The following PPM1B variants were observed in gnomAD, a reference collection of about 807,000 sequenced individuals.
PPM1B encodes protein phosphatase 1B.
Under a neutral mutation model 43.0 loss-of-function variants are expected in PPM1B, and 22 were observed. The ratio of observed to expected loss-of-function variants is 0.51; its 90% confidence interval spans 0.37 to 0.73. PPM1B has a LOEUF of 0.73. Among genes scored for constraint, PPM1B ranks in the 30% least tolerant of loss-of-function variants. The pLI is 0.00. For synonymous variants in PPM1B, 217 were observed against 197.9 expected (o/e 1.10, Z -0.81); for missense variants, 632 against 584.2 (o/e 1.08, Z -0.84).
At chr2:44,169,570 C>A (rs765800991) in intron 1 of PPM1B, among the ~76,000 whole-genome samples, 1 of 152,248 alleles carries the variant, frequency 6.6e-6, no homozygotes, top group Non-Finnish European at 1.5e-5. Flanking sequence ...TTCTCTCTTC[C>A]CTCCGCTTCA....
chr2:44,210,623 G>A (rs568129123), intron 3 of PPM1B, among the ~76,000 whole-genome samples: 11 of 152,102 alleles, frequency 7.2e-5, no homozygotes, highest in Non-Finnish European at 1.3e-4. Context: ...GTAATACCAC[G>A]TTTGGCTTAT....
intron 1 of PPM1B, among the ~76,000 whole-genome samples, chr2:44,173,020 G>A (rs1667420127): frequency 6.6e-6 from 1 of 152,194 alleles, no homozygotes; most frequent in African/African-American, 2.4e-5. Context: ...CTACCTAGAA[G>A]ACTAACAAGC....
intron 5 of PPM1B, 41 bp from the exon 6 acceptor site, chr2:44,230,372 A>G (rs1178200573): frequency 6.3e-7 from 1 of 1,597,664 alleles, no homozygotes; most frequent in South Asian, 1.1e-5. Context: ...GTGATATCCT[A>G]GTTTGTCTAC....
chr2:44,239,896 G>GTT lies in PPM1B; in HGVS notation n.1547-4321_1547-4320dup, dbSNP rs66631221. Among the ~76,000 whole-genome samples, 182 of 140,274 alleles carry GTT rather than the reference G, an allele frequency of 1.3e-3. 1 individual carries two copies. The Middle Eastern group carries it at 0.018, about 14-fold the overall frequency. 92.0% of individuals were successfully genotyped at this position (140,274 alleles called of 152,430 possible). The stretch of plus-strand genomic sequence containing the variant: ...CTATTGTTTTTTTGTTTTTGTTTTT[G>GTT]TTTTTTTTTTTTGTCTAACCCTGTG... On this transcript the variant is annotated intron_variant and non_coding_transcript_variant, in intron 5 of 5. Transcript: ENST00000378540.
chr2:44,222,048 C>T lies in PPM1B; in HGVS notation c.1134+3511C>T, dbSNP rs147218538. Among the ~76,000 whole-genome samples the T allele has an allele frequency of 9.6e-3, 1,455 of 152,088 alleles. 20 individuals are homozygous for T. The highest frequency in any genetic ancestry group is 0.087 in the South Asian group (417 of 4,820). On this transcript the variant is annotated intron_variant, in intron 5 of 5. Transcript: ENST00000282412. ...CTTAGTCTAGGGATTCACGAATCCC[C>T]AGAAATCTTTTGGAAAATTTCCAGA...
At chr2:44,234,225 A>G (rs1274959024), downstream of PPM1B, 3 of 983,098 alleles carry the variant, frequency 3.1e-6, no homozygotes, top group African/African-American at 5.2e-5. Flanking sequence ...CTCCTTTTAA[A>G]AAAACCTGCC....
intron 5 of PPM1B, among the ~76,000 whole-genome samples, chr2:44,242,339 A>T (rs920715783): frequency 9.2e-5 from 14 of 152,304 alleles, no homozygotes; most frequent in African/African-American, 3.4e-4. Context: ...ATACACATTA[A>T]CTTTAGAACA....
At chr2:44,207,110 G>A (rs536170369) in intron 2 of PPM1B, among the ~76,000 whole-genome samples, 16 of 152,272 alleles carry the variant, frequency 1.1e-4, no homozygotes, top group African/African-American at 3.8e-4. Context: ...ACAACAATCT[G>A]TGACAAGTTA....
chr2:44,209,580 C>A, intron 3 of PPM1B: 1 of 340,610 alleles, frequency 2.9e-6, no homozygotes, highest in Non-Finnish European at 5.4e-6. Context: ...AGATCGACAC[C>A]ATCCTGGCTA....
Position 44,208,438 on chromosome 2 carries a change from C to T in PPM1B, c.847-772C>T, listed in dbSNP as rs563627635. 6.6e-5 allele frequency among the ~76,000 whole-genome samples: 10 copies of T among 152,144 alleles called. No homozygotes were observed. The East Asian group carries it at 7.8e-4, about 12-fold the overall frequency. ...TTGTATTAATAGTTGTGGGGCTGGG[C>T]GCGGTGGCTCATGCCTATAATCCCA... On this transcript the variant is annotated intron_variant, in intron 2 of 5. Coordinates refer to ENST00000282412, the MANE Select transcript of PPM1B (RefSeq NM_002706.6).
intron 3 of PPM1B, among the ~76,000 whole-genome samples, chr2:44,215,424 C>G (rs192780879): frequency 6.6e-6 from 1 of 152,022 alleles, no homozygotes; most frequent in Admixed American, 6.6e-5. Flanking sequence ...CACCACTGCA[C>G]TCCAGCCTGG....
chr2:44,232,721 A>G (rs1670503458), downstream of PPM1B: 1 of 1,012,288 alleles, frequency 9.9e-7, no homozygotes. Context: ...AAAACACACA[A>G]CATGTAAGCA....
intron 2 of PPM1B, among the ~76,000 whole-genome samples, chr2:44,206,541 A>T (rs1262273150): frequency 6.6e-6 from 1 of 152,230 alleles, no homozygotes; most frequent in Non-Finnish European, 1.5e-5. Context: ...AATTTTCCAA[A>T]AGTATTTATA....
chr2:44,181,254 A>T (rs1426636541), intron 1 of PPM1B, among the ~76,000 whole-genome samples: 1 of 152,162 alleles, frequency 6.6e-6, no homozygotes, highest in African/African-American at 2.4e-5. Context: ...CAGCCTAGGA[A>T]ATATTATTTC....
chr2:44,234,188 C>G, downstream of PPM1B: 1 of 982,688 alleles, frequency 1.0e-6, no homozygotes, highest in South Asian at 4.7e-5. Context: ...CAATATTAAC[C>G]CCTTCTGTAC....
chr2:44,225,914 C>G (rs1426084507), intron 5 of PPM1B, among the ~76,000 whole-genome samples: 4 of 151,738 alleles, frequency 2.6e-5, no homozygotes, highest in African/African-American at 9.7e-5. Context: ...CCTCGGCCTC[C>G]AAAAGTACTG....
chr2:44,204,858 CAAAAAA>C (rs368660082), intron 2 of PPM1B, among the ~76,000 whole-genome samples: 742 of 36,644 alleles, frequency 0.02, 6 homozygotes, highest in African/African-American at 0.041. Context: ...GACTCCGTCT[CAAAAAA>C]AAAAAAAAAA....
At chr2:44,180,395 A>G (rs138699350) in intron 1 of PPM1B, among the ~76,000 whole-genome samples, 105 of 152,334 alleles carry the variant, frequency 6.9e-4, no homozygotes, top group African/African-American at 2.3e-3. Flanking sequence ...TCGTCTGTCC[A>G]CAGTAAGTAG....
At chr2:44,177,375 C>T (rs1318931379) in intron 1 of PPM1B, among the ~76,000 whole-genome samples, 1 of 147,844 alleles carries the variant, frequency 6.8e-6, no homozygotes, top group African/African-American at 2.5e-5. Flanking sequence ...TTCTATTCAT[C>T]TGTTCTGGAG....
Sources: allele counts gnomAD v4.1 joint callset (sites outside exome capture counted in the v4.1 genomes callset), GRCh38; gene constraint gnomAD v4.1.1; transcripts MANE v1.5; gene names NCBI Gene and HGNC (gene_info 2026-07-23, HGNC 2026-07-21).